Variants in SNTG1 observed in about 807,000 individuals in gnomAD.
The protein encoded by SNTG1 is syntrophin gamma 1.
SNTG1 carries 39 observed loss-of-function variants against 74.7 expected under a neutral mutation model. The observed-to-expected ratio is 0.52, with a 90% CI of 0.40 to 0.68. SNTG1 has a LOEUF of 0.68. Among genes scored for constraint, SNTG1 ranks in the 30% least tolerant of loss-of-function variants. The pLI is 0.00. For missense variants in SNTG1, 685 were observed against 609.5 expected, an observed-to-expected ratio of 1.12 and a Z score of -1.30; for synonymous variants, 254 against 217.1, an observed-to-expected ratio of 1.17 and a Z score of -1.49.
intron 17 of SNTG1, among the ~76,000 whole-genome samples, chr8:50,724,988 T>C (rs1237180832): frequency 6.6e-5 from 10 of 152,192 alleles, no homozygotes; most frequent in Admixed American, 6.5e-4. Context: ...ATCATTTAAT[T>C]ATCTGTGGAT....
chr8:50,113,048 T>C (rs1182972922), intron 1 of SNTG1, among the ~76,000 whole-genome samples: 1 of 152,152 alleles, frequency 6.6e-6, no homozygotes, highest in Non-Finnish European at 1.5e-5. Flanking sequence ...CTTTGTTCTT[T>C]TGGCTTAGGA....
At chr8:50,611,695 G>A (rs886197028) in intron 13 of SNTG1, among the ~76,000 whole-genome samples, 2 of 152,168 alleles carry the variant, frequency 1.3e-5, no homozygotes, top group African/African-American at 4.8e-5. Flanking sequence ...GGCTGAGGTA[G>A]TAGAATTGCT....
intron 1 of SNTG1, among the ~76,000 whole-genome samples, chr8:49,969,548 C>G (rs1811466440): frequency 6.6e-6 from 1 of 151,900 alleles, no homozygotes; most frequent in Non-Finnish European, 1.5e-5. Context: ...AGGTGCCCAC[C>G]ACCATGCCCA....
rs59121229 is a variant in SNTG1 at position 50,476,857 on chromosome 8, G to GACACACACACACACACACACAC, written c.364-25913_364-25892dup. Among the ~76,000 whole-genome samples the GACACACACACACACACACACAC allele has an allele frequency of 6.3e-4, 92 of 145,962 alleles. 1 individual carries two copies. The highest frequency in any genetic ancestry group is 2.3e-3 in the African/African-American group (90 of 39,636). On this transcript the variant is annotated intron_variant, in intron 8 of 18. Transcript: ENST00000642720. ...ACAAAATGAGCCTGTGACACACACA[G>GACACACACACACACACACACAC]ACACACACACACACACACACACACA...
At chr8:50,003,135 T>C (rs1814899100) in intron 1 of SNTG1, among the ~76,000 whole-genome samples, 1 of 152,118 alleles carries the variant, frequency 6.6e-6, no homozygotes, top group South Asian at 2.1e-4. Flanking sequence ...AAGCATTTCT[T>C]TTGGGGTGAT....
At chr8:49,948,653 T>C (rs1809422013) in intron 1 of SNTG1, among the ~76,000 whole-genome samples, 1 of 152,226 alleles carries the variant, frequency 6.6e-6, no homozygotes, top group Non-Finnish European at 1.5e-5. Context: ...TTATTTTCTT[T>C]GGTGCAAAAT....
intron 1 of SNTG1, among the ~76,000 whole-genome samples, chr8:50,058,432 G>C (rs1320950930): frequency 6.6e-6 from 1 of 152,072 alleles, no homozygotes; most frequent in Non-Finnish European, 1.5e-5. Flanking sequence ...CTATAAGGAA[G>C]CTGAAACTTA....
chr8:50,565,900 G>A (rs887923097), intron 12 of SNTG1, among the ~76,000 whole-genome samples: 10 of 151,808 alleles, frequency 6.6e-5, no homozygotes, highest in Non-Finnish European at 1.2e-4. Context: ...TATATTTTAC[G>A]CAGAGGTAAT....
At chr8:49,980,916 T>C (rs891397485) in intron 1 of SNTG1, among the ~76,000 whole-genome samples, 2 of 152,212 alleles carry the variant, frequency 1.3e-5, no homozygotes, top group Admixed American at 6.5e-5. Flanking sequence ...AAATCTTTTC[T>C]TAGAGAAGAA....
At chr8:49,942,483 A>T in intron 1 of SNTG1, among the ~76,000 whole-genome samples, 1 of 151,992 alleles carries the variant, frequency 6.6e-6, no homozygotes, top group East Asian at 1.9e-4. Context: ...CATTTTTTTT[A>T]CTACAGTTCC....
At chr8:50,288,798 A>C (rs1411061747) in intron 2 of SNTG1, among the ~76,000 whole-genome samples, 1 of 152,126 alleles carries the variant, frequency 6.6e-6, no homozygotes, top group Non-Finnish European at 1.5e-5. Flanking sequence ...AATGTACTTA[A>C]AGCTTTATTC....
chr8:50,512,234 A>G (rs1342182497), intron 9 of SNTG1, among the ~76,000 whole-genome samples: 1 of 151,968 alleles, frequency 6.6e-6, no homozygotes, highest in East Asian at 1.9e-4. Flanking sequence ...AAGAATGTTT[A>G]ATATTGGCCC....
At position 49,964,462 on chromosome 8, in the gene SNTG1, G is replaced by A. The variant is rs1810967170; in HGVS notation, c.-103+52231G>A. Among the ~76,000 whole-genome samples, 4 of 152,190 alleles carry A rather than the reference G, an allele frequency of 2.6e-5. No individual in the cohort carries two copies. In the South Asian group the frequency reaches 6.2e-4, roughly 24 times the overall value. On this transcript the variant is annotated intron_variant, in intron 1 of 18. Coordinates refer to ENST00000642720, the MANE Select transcript of SNTG1 (RefSeq NM_018967.5). The stretch of plus-strand genomic sequence containing the variant: ...TCTCTCTCTCTACATAGATAGCTAG[G>A]TAGATTGATAGACAGGTAGATGATA...
chr8:50,394,168 T>C lies in SNTG1; in HGVS notation c.-27-44T>C, dbSNP rs376056967. On this transcript the variant is annotated intron_variant, in intron 2 of 18. Transcript: ENST00000642720. ...CACTATATTAGTGTTCTCTCTTACA[T>C]GCCATGCTGTGCCTAATGGCTTACC... 862 of 1,492,528 alleles carry C rather than the reference T, an allele frequency of 5.8e-4. 3 individuals carry two copies. In the African/African-American group the frequency reaches 9.6e-3, roughly 17 times the overall value. 92.5% of individuals were successfully genotyped at this position (1,492,528 alleles called of 1,614,324 possible).
chr8:50,081,380 T>C (rs898559769), intron 1 of SNTG1, among the ~76,000 whole-genome samples: 10 of 152,178 alleles, frequency 6.6e-5, no homozygotes, highest in African/African-American at 2.4e-4. Context: ...TAGACTACTA[T>C]GTGTAGATGT....
intron 2 of SNTG1, among the ~76,000 whole-genome samples, chr8:50,385,210 C>G (rs1393859442): frequency 6.6e-6 from 1 of 152,180 alleles, no homozygotes; most frequent in Admixed American, 6.5e-5. Flanking sequence ...AGAATCTTCT[C>G]CTGTTCTGGA....
rs529382050 is a variant in SNTG1 at position 50,383,360 on chromosome 8, T to C, written c.-27-10852T>C. The stretch of plus-strand genomic sequence containing the variant: ...TTAAATGCTGTGATGTAAAATTAAC[T>C]ATTATTAATAAATCTTATGTTAGAT... On this transcript the variant is annotated intron_variant, in intron 2 of 18. Transcript: ENST00000642720. 2.6e-5 allele frequency among the ~76,000 whole-genome samples: 4 copies of C among 151,840 alleles called. No individual in the cohort carries two copies. The South Asian group carries it at 8.3e-4, about 31-fold the overall frequency.
intron 17 of SNTG1, among the ~76,000 whole-genome samples, chr8:50,729,493 A>G (rs188746456): frequency 2.2e-4 from 33 of 152,288 alleles, no homozygotes; most frequent in Admixed American, 5.2e-4. Flanking sequence ...TTCTAATGTC[A>G]TAGAGTTTGG....
chr8:50,257,626 A>C (rs1293892055), intron 2 of SNTG1, among the ~76,000 whole-genome samples: 1 of 152,230 alleles, frequency 6.6e-6, no homozygotes, highest in African/African-American at 2.4e-5. Flanking sequence ...AATTTTTGCA[A>C]TCAGTCCTTG....
Sources: gnomAD v4.1 joint callset for allele counts (sites outside exome capture counted in the v4.1 genomes callset) on GRCh38, gnomAD v4.1.1 for gene constraint, MANE v1.5 for transcripts, NCBI Gene and HGNC (gene_info 2026-07-23, HGNC 2026-07-21) for gene names.